The following HECW1 variants were observed in gnomAD, a reference collection of about 807,000 sequenced individuals.
HECW1 encodes the protein HECT, C2 and WW domain containing E3 ubiquitin protein ligase 1, also known as E3 ubiquitin-protein ligase HECW1.
A neutral mutation model predicts 182.3 loss-of-function variants in HECW1; 61 were observed. The observed-to-expected ratio is 0.33, with a 90% CI of 0.27 to 0.41. The LOEUF (loss-of-function observed/expected upper bound fraction) is 0.41. Ranked by LOEUF, HECW1 falls within the 10% of genes least tolerant of loss-of-function variation. The probability of loss-of-function intolerance (pLI) is 1.00; values close to 1 mark genes in which losing one functional copy is unlikely to be tolerated. For synonymous variants in HECW1, 859 were observed against 832.6 expected, an observed-to-expected ratio of 1.03 and a Z score of -0.55; for missense variants, 1,739 against 2,108.9, an observed-to-expected ratio of 0.82 and a Z score of 3.44.
At chr7:43,242,383 A>T (rs918419983) in intron 2 of HECW1, among the ~76,000 whole-genome samples, 3 of 152,130 alleles carry the variant, frequency 2.0e-5, no homozygotes, top group Non-Finnish European at 4.4e-5. Context: ...GAGCAGACGA[A>T]CTCAGTGCTT....
At position 43,469,116 on chromosome 7, in the gene HECW1, C is replaced by G; in HGVS notation, c.3099+11C>G. ...GACCAGCAGGGAAAGGTGAGTGTGACCCACGTGCGGGGCTTTCATCAAACA... is the reference window on the plus strand; with the variant it reads ...GACCAGCAGGGAAAGGTGAGTGTGAGCCACGTGCGGGGCTTTCATCAAACA... On this transcript the variant is annotated intron_variant, in intron 16 of 29. Coordinates refer to ENST00000395891, the MANE Select transcript of HECW1 (RefSeq NM_015052.5). The G allele has an allele frequency of 6.2e-7, 1 of 1,612,478 alleles. No individual in the cohort carries two copies. Among genetic ancestry groups the G allele is most frequent in the Non-Finnish European group, 8.5e-7 (1 of 1,179,344 alleles).
intron 24 of HECW1, among the ~76,000 whole-genome samples, chr7:43,536,791 A>T (rs2152951155): frequency 9.6e-6 from 1 of 103,702 alleles, no homozygotes; most frequent in South Asian, 2.7e-4. Context: ...AGCAAACTTC[A>T]AAAGAGTCCC....
chr7:43,470,779 T>C (rs1585009878), intron 16 of HECW1, among the ~76,000 whole-genome samples: 1 of 152,172 alleles, frequency 6.6e-6, no homozygotes, highest in Non-Finnish European at 1.5e-5. Context: ...CAATTTCTTA[T>C]TAATTGAACA....
rs933181485 is a variant in HECW1 at position 43,562,902 on chromosome 7, GA to G, written c.*985del. On this transcript the variant is annotated 3_prime_UTR_variant, in exon 30 of 30. Coordinates refer to ENST00000395891, the MANE Select transcript of HECW1 (RefSeq NM_015052.5). ...AGTCTAGCCACAGTTCTTCACAAAG[GA>G]AAAAAAAATGTGTAGATGATACCAT... The G allele has an allele frequency of 2.4e-4, 51 of 211,814 alleles. No individual in the cohort carries two copies. Among genetic ancestry groups the G allele is most frequent in the Middle Eastern group, 3.0e-3 (2 of 672 alleles). The allele number at this position is 211,814 out of a possible 1,614,324, so 13.1% of individuals were successfully genotyped here.
chr7:43,267,197 A>G (rs1801895877), intron 3 of HECW1, among the ~76,000 whole-genome samples: 1 of 152,206 alleles, frequency 6.6e-6, no homozygotes, highest in African/African-American at 2.4e-5. Context: ...AAGGATCTAT[A>G]AAGCATCTAT....
intron 2 of HECW1, among the ~76,000 whole-genome samples, chr7:43,116,395 A>C (rs955531821): frequency 6.6e-6 from 1 of 152,174 alleles, no homozygotes; most frequent in Non-Finnish European, 1.5e-5. Flanking sequence ...CTTTCTCTCT[A>C]AGTCCTGGTT....
intron 2 of HECW1, among the ~76,000 whole-genome samples, chr7:43,208,882 C>G (rs1392269553): frequency 6.6e-6 from 1 of 152,208 alleles, no homozygotes; most frequent in Non-Finnish European, 1.5e-5. Context: ...AAGCCACACA[C>G]TCTTGGAGGC....
intron 8 of HECW1, among the ~76,000 whole-genome samples, chr7:43,436,348 CTT>C (rs1303277898): frequency 6.6e-5 from 10 of 152,064 alleles, no homozygotes; most frequent in Non-Finnish European, 1.5e-4. Context: ...CCCGAGTCTC[CTT>C]TTTACACTTT....
intron 24 of HECW1, among the ~76,000 whole-genome samples, chr7:43,514,279 A>G (rs543427069): frequency 1.3e-5 from 2 of 151,672 alleles, no homozygotes; most frequent in South Asian, 4.2e-4. Flanking sequence ...TACTATTCCA[A>G]ATTTCTTTTT....
chr7:43,420,494 CAAAT>C (rs1179945436), intron 8 of HECW1, among the ~76,000 whole-genome samples: 9 of 152,048 alleles, frequency 5.9e-5, no homozygotes, highest in African/African-American at 9.7e-5. Context: ...AAAAAATAAA[CAAAT>C]AAAGTATGTC....
chr7:43,392,960 A>G (rs1022270016), intron 6 of HECW1, among the ~76,000 whole-genome samples: 5 of 152,146 alleles, frequency 3.3e-5, no homozygotes, highest in African/African-American at 1.2e-4. Flanking sequence ...TCAAAAGGCA[A>G]TTGTAGAGAG....
At position 43,114,371 on chromosome 7, in the gene HECW1, A is replaced by T. The variant is rs73690252; in HGVS notation, c.-52A>T. 1 of 1,352,980 alleles carries T rather than the reference A, an allele frequency of 7.4e-7. No individual in the cohort carries two copies. The highest frequency in any genetic ancestry group is 2.2e-5 in the Admixed American group (1 of 45,366). 83.8% of individuals were successfully genotyped at this position (1,352,980 alleles called of 1,614,324 possible). ...ATCTGCGTTTCTCATCAGCAGACTC[A>T]CTCCGGCTGTGGCTATTACGGTAAT... On this transcript the variant is annotated 5_prime_UTR_variant, in exon 2 of 30. Transcript: ENST00000395891.
chr7:43,203,568 A>G (rs1190645742), intron 2 of HECW1, among the ~76,000 whole-genome samples: 1 of 152,160 alleles, frequency 6.6e-6, no homozygotes, highest in Non-Finnish European at 1.5e-5. Context: ...CTCCTGCCTC[A>G]GCCTCCTGAA....
chr7:43,517,511 A>T (rs7802336), intron 24 of HECW1, among the ~76,000 whole-genome samples: 1 of 152,068 alleles, frequency 6.6e-6, no homozygotes, highest in Admixed American at 6.6e-5. Context: ...GTGTAATTGT[A>T]GAGTTTTATG....
chr7:43,196,428 T>C (rs540269482), intron 2 of HECW1, among the ~76,000 whole-genome samples: 1 of 152,360 alleles, frequency 6.6e-6, no homozygotes, highest in South Asian at 2.1e-4. Flanking sequence ...CTAGGGTTTA[T>C]TGCATTCAAT....
At chr7:43,220,583 G>A (rs538639744) in intron 2 of HECW1, among the ~76,000 whole-genome samples, 41 of 152,248 alleles carry the variant, frequency 2.7e-4, no homozygotes, top group African/African-American at 9.4e-4. Flanking sequence ...AGAGCCTGCC[G>A]TGAATAACAA....
At chr7:43,389,582 A>T (rs2074936766) in intron 6 of HECW1, among the ~76,000 whole-genome samples, 2 of 152,202 alleles carry the variant, frequency 1.3e-5, no homozygotes, top group African/African-American at 2.4e-5. Flanking sequence ...TTTCATTTGC[A>T]CAGTGCTTCT....
intron 5 of HECW1, among the ~76,000 whole-genome samples, chr7:43,344,361 T>G (rs1813404182): frequency 6.6e-6 from 1 of 151,866 alleles, no homozygotes; most frequent in Admixed American, 6.5e-5. Context: ...CATATTTTTA[T>G]GTTGACAGAT....
intron 24 of HECW1, among the ~76,000 whole-genome samples, chr7:43,532,104 GC>G (rs2081015383): frequency 6.6e-6 from 1 of 152,178 alleles, no homozygotes; most frequent in South Asian, 2.1e-4. Context: ...CCTCCTCCAA[GC>G]CCTGTTCTGG....
Sources: allele counts gnomAD v4.1 joint callset (sites outside exome capture counted in the v4.1 genomes callset), GRCh38; gene constraint gnomAD v4.1.1; transcripts MANE v1.5; gene names NCBI Gene and HGNC (gene_info 2026-07-23, HGNC 2026-07-21).